SVIL: variants seen among roughly 807,000 people sequenced by gnomAD.
SVIL encodes supervillin.
Under a neutral mutation model 240.4 loss-of-function variants are expected in SVIL, and 101 were observed. The observed-to-expected ratio is 0.42, with a 90% confidence interval of 0.36 to 0.50. The LOEUF (loss-of-function observed/expected upper bound fraction) is 0.50. Among genes scored for constraint, SVIL ranks in the 20% least tolerant of loss-of-function variants. SVIL has a pLI of 0.01. For missense variants in SVIL, 2,512 were observed against 2,818.7 expected (o/e 0.89, Z 2.46); for synonymous variants, 999 against 1,100.0 (o/e 0.91, Z 1.82).
chr10:29,593,005 A>G lies in SVIL; in HGVS notation c.-200-23693T>C, dbSNP rs1309496423. 2.0e-5 allele frequency among the ~76,000 whole-genome samples: 3 copies of G among 152,256 alleles called. No individual in the cohort carries two copies. The East Asian group carries it at 5.8e-4, about 29-fold the overall frequency. On this transcript the variant is annotated intron_variant, in intron 1 of 37. Transcript: ENST00000355867. ...TAGGGAAGTTTTAAACAGAAGCAGG[A>G]CTTTGGATATTCAAGGTCACATTGA... is the stretch of plus-strand genomic sequence containing the variant.
intron 3 of SVIL, among the ~76,000 whole-genome samples, chr10:29,555,787 T>C (rs1455503182): frequency 6.6e-6 from 1 of 152,060 alleles, no homozygotes; most frequent in Non-Finnish European, 1.5e-5. Context: ...AGACTAGGAG[T>C]GTGAACCCCA....
intron 1 of SVIL, among the ~76,000 whole-genome samples, chr10:29,619,060 C>T (rs1957531603): frequency 6.6e-6 from 1 of 152,214 alleles, no homozygotes; most frequent in African/African-American, 2.4e-5. Flanking sequence ...TAATCAAACA[C>T]AGAACAAACC....
At chr10:29,532,464 G>A in intron 8 of SVIL, 65 bp downstream of exon 8, 1 of 1,545,572 alleles carries the variant, frequency 6.5e-7, no homozygotes, top group Non-Finnish European at 8.7e-7. Context: ...ACAGGTCGAG[G>A]AGTGAATCAT....
intron 1 of SVIL, among the ~76,000 whole-genome samples, chr10:29,584,465 A>G (rs1357711112): frequency 6.6e-6 from 1 of 152,154 alleles, no homozygotes; most frequent in African/African-American, 2.4e-5. Flanking sequence ...GTTTTGGGGT[A>G]TGTGAAGGCT....
Position 29,488,724 on chromosome 10 carries a change from G to A in SVIL, c.4225C>T (p.Leu1409=), listed in dbSNP as rs1947667830. 1 of 1,612,764 alleles carries A rather than the reference G, an allele frequency of 6.2e-7. No homozygotes were observed. Among genetic ancestry groups the A allele is most frequent in the African/African-American group, 1.3e-5 (1 of 74,890 alleles). Residue 1409 remains leucine (L), a synonymous_variant, in exon 23 of 38, where the codon CTG becomes TTG. Transcript: ENST00000355867. ...TTTTCTTTACTGGCTAAACCCGCCA[G>A]GGTGACTTCTGAGAAGTTGGAGTTG... The part of the protein sequence containing the change: ...SSNSNFSEVT[L]AGLASKENFS...
intron 11 of SVIL, among the ~76,000 whole-genome samples, chr10:29,530,167 C>T (rs925675426): frequency 6.6e-6 from 1 of 152,100 alleles, no homozygotes; most frequent in East Asian, 1.9e-4. Context: ...GAGTGAGACC[C>T]TATCTCTAAA....
intron 18 of SVIL, chr10:29,496,527 T>C (rs1367641548): frequency 9.7e-6 from 4 of 413,724 alleles, no homozygotes; most frequent in Non-Finnish European, 1.9e-5. Flanking sequence ...ATCCGTGTCC[T>C]GGCCGGTGCC....
chr10:29,587,264 A>G (rs972597862), intron 1 of SVIL, among the ~76,000 whole-genome samples: 7 of 152,224 alleles, frequency 4.6e-5, no homozygotes, highest in South Asian at 2.1e-4. Flanking sequence ...TTAATAGAAC[A>G]GTACTAGGCC....
chr10:29,694,669 G>A (rs1452753342), intron 1 of SVIL, among the ~76,000 whole-genome samples: 3 of 152,192 alleles, frequency 2.0e-5, no homozygotes, highest in Middle Eastern at 3.4e-3. Flanking sequence ...TATGTTGGCC[G>A]GGTTGGTCCC....
rs754817083 is a variant in SVIL, at chr10:29,486,430, C to T, written c.4613G>A (p.Gly1538Asp). 24 of 1,614,202 alleles carry T rather than the reference C, an allele frequency of 1.5e-5. No individual in the cohort carries two copies. Among genetic ancestry groups the T allele is most frequent in the Non-Finnish European group, 1.9e-5 (23 of 1,180,036 alleles). Residue 1538 changes from glycine to aspartate, a missense_variant, in exon 25 of 38, where the codon GGT becomes GAT. This residue lies in a region of SVIL where 797 missense variants were observed against 925.3 expected (regional missense o/e 0.86). Coordinates refer to ENST00000355867, the MANE Select transcript of SVIL (RefSeq NM_021738.3). ...HAAKDFWKLLGGQTSYQSAGD... is the reference protein window; with the variant it reads ...HAAKDFWKLLDGQTSYQSAGD... ...CTTACATTGGTAACTGGTTTGGCCA[C>T]CCAGAAGCTTCCAGAAGTCTTTGGC...
At chr10:29,522,751 C>G in intron 15 of SVIL, 116 bp from the exon 16 acceptor site, 1 of 1,155,538 alleles carries the variant, frequency 8.7e-7, no homozygotes, top group Non-Finnish European at 1.2e-6. Flanking sequence ...GGCGGGTGAC[C>G]CAATCCACTG....
intron 3 of SVIL, among the ~76,000 whole-genome samples, chr10:29,561,436 T>C (rs10826658): frequency 0.52 from 79,312 of 151,944 alleles, 21,074 homozygotes; most frequent in African/African-American, 0.63. Context: ...GAAAGAGGGA[T>C]GCTTCTGACT....
At chr10:29,718,239 T>C (rs929475006) in intron 1 of SVIL, among the ~76,000 whole-genome samples, 42 of 151,404 alleles carry the variant, frequency 2.8e-4, no homozygotes, top group Non-Finnish European at 4.4e-4. Flanking sequence ...GGCAGGAGAA[T>C]CGCTTGAACC....
intron 2 of SVIL, among the ~76,000 whole-genome samples, chr10:29,681,415 G>GTGTA (rs1960638480): frequency 6.7e-6 from 1 of 149,792 alleles, no homozygotes; most frequent in South Asian, 2.1e-4. Context: ...TGGTGTGTGT[G>GTGTA]TGTGTGTGTG....
chr10:29,490,415 T>G (rs1271153575), intron 22 of SVIL, among the ~76,000 whole-genome samples: 3 of 152,114 alleles, frequency 2.0e-5, no homozygotes, highest in African/African-American at 7.2e-5. Flanking sequence ...CTCAGAAATA[T>G]CCATCTCTTC....
intron 2 of SVIL, among the ~76,000 whole-genome samples, chr10:29,662,550 C>T (rs1181608411): frequency 6.6e-6 from 1 of 152,204 alleles, no homozygotes; most frequent in Non-Finnish European, 1.5e-5. Context: ...ATCACTGTGT[C>T]TGGAGTAGTT....
intron 1 of SVIL, among the ~76,000 whole-genome samples, chr10:29,726,465 G>A (rs1419774058): frequency 2.6e-5 from 4 of 152,126 alleles, no homozygotes; most frequent in African/African-American, 4.8e-5. Context: ...TGCTAACTGT[G>A]GCCGGGCACG....
chr10:29,694,237 A>C (rs1224310923), intron 1 of SVIL, among the ~76,000 whole-genome samples: 2 of 150,722 alleles, frequency 1.3e-5, no homozygotes, highest in African/African-American at 4.9e-5. Context: ...CTACCAAAAA[A>C]AAAAAAAAAA....
chr10:29,532,261 C>A, intron 8 of SVIL, 89 bp from the exon 9 acceptor site: 1 of 1,467,116 alleles, frequency 6.8e-7, no homozygotes, highest in South Asian at 1.3e-5. Context: ...CTCCGTGAGT[C>A]AAGGGACAGA....
Sources: gnomAD v4.1 joint callset for allele counts (sites outside exome capture counted in the v4.1 genomes callset) on GRCh38, gnomAD v4.1.1 for gene constraint, gnomAD v4.1.1 regional missense constraint, MANE v1.5 for transcripts, NCBI Gene and HGNC (gene_info 2026-07-23, HGNC 2026-07-21) for gene names.